Variants in PCDH11Y observed in about 807,000 individuals in gnomAD.
PCDH11Y encodes the protein protocadherin-11 Y-linked.
For missense variants in PCDH11Y, 12 were observed against 224.8 expected (o/e 0.05, Z 6.05); for synonymous variants, 9 against 83.6 (o/e 0.11, Z 4.87).
chrY:5,225,193 G>A, intron 2 of PCDH11Y, among the ~76,000 whole-genome samples: 1 of 31,608 alleles, frequency 3.2e-5, no homozygotes, highest in African/African-American at 1.3e-4. Flanking sequence ...ACCCTATTGT[G>A]CTACCGATTA....
intron 4 of PCDH11Y, among the ~76,000 whole-genome samples, chrY:5,689,240 T>C: frequency 2.2e-4 from 6 of 26,756 alleles, no homozygotes; most frequent in Admixed American, 2.1e-3. Context: ...AGAAAGTATA[T>C]GTTTGTTGAA....
At chrY:5,108,055 T>C (rs2052796072), downstream of PCDH11Y, among the ~76,000 whole-genome samples, 1 of 8,499 alleles carries the variant, frequency 1.2e-4, no homozygotes, top group Non-Finnish European at 1.8e-4. Context: ...CCAGAGGCTG[T>C]CTCAAAAAAA....
At chrY:5,612,844 T>G in intron 4 of PCDH11Y, among the ~76,000 whole-genome samples, 1 of 31,104 alleles carries the variant, frequency 3.2e-5, no homozygotes, top group African/African-American at 1.3e-4. Flanking sequence ...GTAGTAAAAC[T>G]TACATAATGT....
chrY:5,118,581 C>T, intron 2 of PCDH11Y, among the ~76,000 whole-genome samples: 3 of 24,379 alleles, frequency 1.2e-4, no homozygotes, highest in African/African-American at 5.0e-4. Flanking sequence ...TACTGCCTGA[C>T]CTAATTTTCA....
At chrY:5,384,124 C>G in intron 2 of PCDH11Y, among the ~76,000 whole-genome samples, 1 of 32,616 alleles carries the variant, frequency 3.1e-5, no homozygotes, top group Non-Finnish European at 7.5e-5. Flanking sequence ...GAAACTTTAG[C>G]AGGAATATAA....
At chrY:5,270,750 G>A (rs2053035029) in intron 2 of PCDH11Y, among the ~76,000 whole-genome samples, 1 of 32,316 alleles carries the variant, frequency 3.1e-5, no homozygotes, top group African/African-American at 1.2e-4. Flanking sequence ...TATTTATGCC[G>A]CATAAATTGG....
chrY:5,041,599 T>C (rs2052611542), intron 3 of PCDH11Y, among the ~76,000 whole-genome samples: 1 of 32,739 alleles, frequency 3.1e-5, no homozygotes, highest in South Asian at 7.0e-4. Context: ...AGCAGGATGA[T>C]TTACAGTCCT....
chrY:5,243,465 A>G (rs2124655753), intron 2 of PCDH11Y, among the ~76,000 whole-genome samples: 1 of 28,197 alleles, frequency 3.5e-5, no homozygotes, highest in Admixed American at 2.8e-4. Flanking sequence ...TCCTGGGCAC[A>G]TACAACACAT....
chrY:5,548,823 G>C, intron 3 of PCDH11Y, among the ~76,000 whole-genome samples: 1 of 32,778 alleles, frequency 3.1e-5, no homozygotes, highest in Non-Finnish European at 7.5e-5. Flanking sequence ...GCCAAACTAA[G>C]CTTCCTAAGG....
At chrY:5,108,676 G>A, downstream of PCDH11Y, among the ~76,000 whole-genome samples, 1 of 27,372 alleles carries the variant, frequency 3.7e-5, no homozygotes, top group Non-Finnish European at 8.5e-5. Flanking sequence ...GAACCCGGGA[G>A]GCGGAGCCTG....
chrY:5,019,309 C>T, intron 1 of PCDH11Y: 7 of 33,058 alleles, frequency 2.1e-4, no homozygotes, highest in African/African-American at 8.3e-4. Context: ...TGTTGGCTCA[C>T]GCCTGTAATC....
At chrY:5,362,099 G>GA in intron 2 of PCDH11Y, among the ~76,000 whole-genome samples, 1 of 33,257 alleles carries the variant, frequency 3.0e-5, no homozygotes, top group East Asian at 8.1e-4. Context: ...CATGGCAACA[G>GA]AGTCATTGGG....
chrY:5,223,894 G>T, intron 2 of PCDH11Y, among the ~76,000 whole-genome samples: 1 of 32,063 alleles, frequency 3.1e-5, no homozygotes, highest in Non-Finnish European at 7.6e-5. Context: ...TTTAAAGTGG[G>T]TTATTCCCTG....
At chrY:5,716,246 CA>C (rs2053589979) in intron 4 of PCDH11Y, among the ~76,000 whole-genome samples, 1 of 32,139 alleles carries the variant, frequency 3.1e-5, no homozygotes, top group Admixed American at 2.9e-4. Context: ...AGCAATCAGA[CA>C]AGAGAAATAC....
At chrY:5,045,650 T>C in intron 3 of PCDH11Y, among the ~76,000 whole-genome samples, 2 of 32,931 alleles carry the variant, frequency 6.1e-5, no homozygotes, top group Non-Finnish European at 1.5e-4. Context: ...TGAATTTGAA[T>C]GTTGGCCTAC....
chrY:5,573,952 C>A, intron 3 of PCDH11Y: 2 of 203,672 alleles, frequency 9.8e-6, no homozygotes, highest in Non-Finnish European at 1.8e-5. Context: ...AAATACTGGC[C>A]TCAGCAGATT....
intron 3 of PCDH11Y, among the ~76,000 whole-genome samples, chrY:5,567,631 C>T: frequency 4.2e-5 from 1 of 23,903 alleles, no homozygotes; most frequent in Non-Finnish European, 9.5e-5. Context: ...ATAAATTAAA[C>T]ATATAATAAA....
intron 2 of PCDH11Y, among the ~76,000 whole-genome samples, chrY:5,314,252 G>A (rs2124664959): frequency 3.4e-5 from 1 of 29,704 alleles, no homozygotes; most frequent in Admixed American, 3.2e-4. Context: ...GGGTTCAAAC[G>A]ATTCTCCTGT....
intron 2 of PCDH11Y, among the ~76,000 whole-genome samples, chrY:5,149,222 C>T: frequency 4.9e-4 from 16 of 32,515 alleles, no homozygotes; most frequent in Admixed American, 4.6e-3. Flanking sequence ...AGGATTTACT[C>T]ATAGTTAATA....
Sources: gnomAD v4.1 joint callset for allele counts (sites outside exome capture counted in the v4.1 genomes callset) on GRCh38, gnomAD v4.1.1 for gene constraint, MANE v1.5 for transcripts, NCBI Gene and HGNC (gene_info 2026-07-23, HGNC 2026-07-21) for gene names.